Variants in PPP1R12B observed in about 807,000 individuals in gnomAD.
PPP1R12B encodes protein phosphatase 1 regulatory subunit 12B, also known as myosin phosphatase target subunit 2.
Under a neutral mutation model 126.1 loss-of-function variants are expected in PPP1R12B, and 76 were observed. The ratio of observed to expected loss-of-function variants is 0.60; its 90% CI spans 0.50 to 0.73. The LOEUF is 0.73. Among genes scored for constraint, PPP1R12B ranks in the 30% least tolerant of loss-of-function variants. The probability of loss-of-function intolerance (pLI) is 0.00; values close to 1 mark genes in which losing one functional copy is unlikely to be tolerated. For synonymous variants in PPP1R12B, 356 were observed against 434.7 expected, an observed-to-expected ratio of 0.82 and a Z score of 2.25; for missense variants, 1,052 against 1,205.1, an observed-to-expected ratio of 0.87 and a Z score of 1.88.
intron 1 of PPP1R12B, among the ~76,000 whole-genome samples, chr1:202,410,922 G>C (rs1667297384): frequency 1.3e-5 from 2 of 152,172 alleles, no homozygotes; most frequent in Non-Finnish European, 2.9e-5. Flanking sequence ...GAAGGAATCT[G>C]GGCCAAATGC....
intron 21 of PPP1R12B, 90 bp downstream of exon 21, chr1:202,564,637 A>T: frequency 9.4e-7 from 1 of 1,066,614 alleles, no homozygotes; most frequent in Non-Finnish European, 1.4e-6. Context: ...AGGAAGTAAG[A>T]TAGAGTCAAG....
chr1:202,348,889 A>AGTCGGCGCGAATGCGGCGGGCAGAGCAGC lies in PPP1R12B; in HGVS notation c.39_67dup (p.Leu23ArgfsTer18). 6.2e-7 allele frequency: 1 copy of AGTCGGCGCGAATGCGGCGGGCAGAGCAGC among 1,610,876 alleles called. No homozygotes were observed. Among genetic ancestry groups the AGTCGGCGCGAATGCGGCGGGCAGAGCAGC allele is most frequent in the Non-Finnish European group, 8.5e-7 (1 of 1,179,334 alleles). ...GAGCACCTAGGAGGGAAGCGGGCAG[A>AGTCGGCGCGAATGCGGCGGGCAGAGCAGC]GTCGGCGCGAATGCGGCGGGCAGAG... On this transcript the variant is annotated frameshift_variant, in exon 1 of 24. Transcript: ENST00000608999. LOFTEE classifies it high-confidence loss of function.
rs927786780 is a variant in PPP1R12B at position 202,584,446 on chromosome 1, G to C, written c.*3886G>C. The C allele has an allele frequency of 6.6e-6, 1 of 152,244 alleles. No homozygotes were observed. Among genetic ancestry groups the C allele is most frequent in the Non-Finnish European group, 1.5e-5 (1 of 68,042 alleles). 9.4% of individuals were successfully genotyped at this position (152,244 alleles called of 1,614,324 possible). On this transcript the variant is annotated 3_prime_UTR_variant, in exon 24 of 24. Transcript: ENST00000608999. ...TGGTCTGTGGATCCCACGAAAGTGT[G>C]TGTAAACTACTGACTGTTTCTCCAC... is the stretch of plus-strand genomic sequence containing the variant.
intron 1 of PPP1R12B, among the ~76,000 whole-genome samples, chr1:202,392,985 G>A (rs10920401): frequency 0.13 from 19,426 of 150,798 alleles, 1,380 homozygotes; most frequent in Middle Eastern, 0.18. Flanking sequence ...TCTCTCTATT[G>A]CCCAGGCTGG....
intron 12 of PPP1R12B, chr1:202,444,991 G>A: frequency 8.1e-7 from 1 of 1,235,534 alleles, no homozygotes; most frequent in Non-Finnish European, 1.0e-6. Flanking sequence ...GTGGTGCTGG[G>A]AAATGGTGGG....
Position 202,348,737 on chromosome 1 carries a change from G to T in PPP1R12B, c.-115G>T. ...GGAGGAGTAAAGATGGCGGCGCGAG[G>T]GTCTCCGCCCTCTGCTCCGGGCTGA... is the stretch of plus-strand genomic sequence containing the variant. On this transcript the variant is annotated 5_prime_UTR_variant, in exon 1 of 24. Transcript: ENST00000608999. 7.5e-7 allele frequency: 1 copy of T among 1,335,126 alleles called. No homozygotes were observed. Among genetic ancestry groups the T allele is most frequent in the Non-Finnish European group, 1.0e-6 (1 of 997,842 alleles). The allele number at this position is 1,335,126 out of a possible 1,614,324, so 82.7% of individuals were successfully genotyped here.
At position 202,502,175 on chromosome 1, in the gene PPP1R12B, T is replaced by C. The variant is rs988190803; in HGVS notation, c.2490+5353T>C. The C allele has an allele frequency of 5.1e-6, 5 of 984,718 alleles. No individual in the cohort carries two copies. The African/African-American group carries it at 7.0e-5, about 14-fold the overall frequency. The allele number at this position is 984,718 out of a possible 1,614,324, so 61.0% of individuals were successfully genotyped here. On this transcript the variant is annotated intron_variant, in intron 18 of 23. Transcript: ENST00000608999. ...CCCCATCCAGAATGCAATCAGTAGG[T>C]CTGGATTACTAGTCATCCCTCAAAA...
intron 13 of PPP1R12B, among the ~76,000 whole-genome samples, chr1:202,482,940 T>C (rs1181143188): frequency 1.3e-5 from 2 of 152,298 alleles, no homozygotes; most frequent in East Asian, 3.9e-4. Context: ...AGGTAGGGAT[T>C]TACTCTCATT....
At chr1:202,515,465 C>T (rs1325649561) in intron 18 of PPP1R12B, among the ~76,000 whole-genome samples, 1 of 152,192 alleles carries the variant, frequency 6.6e-6, no homozygotes, top group Non-Finnish European at 1.5e-5. Flanking sequence ...ATAGCTAAAT[C>T]TAGGAAGCTG....
chr1:202,480,722 A>G (rs929122280), intron 13 of PPP1R12B, among the ~76,000 whole-genome samples: 1 of 152,226 alleles, frequency 6.6e-6, no homozygotes, highest in Non-Finnish European at 1.5e-5. Flanking sequence ...ATAATGTAGT[A>G]TGTCAATATT....
chr1:202,566,494 A>G (rs1238146316), intron 21 of PPP1R12B, among the ~76,000 whole-genome samples: 1 of 152,222 alleles, frequency 6.6e-6, no homozygotes, highest in Non-Finnish European at 1.5e-5. Context: ...ATTTTTACAT[A>G]AAAGATCCAC....
At chr1:202,475,336 A>G (rs1676491560) in intron 13 of PPP1R12B, among the ~76,000 whole-genome samples, 1 of 152,208 alleles carries the variant, frequency 6.6e-6, no homozygotes, top group Non-Finnish European at 1.5e-5. Context: ...TAGCATGTTG[A>G]CGGAAATTTC....
intron 18 of PPP1R12B, among the ~76,000 whole-genome samples, chr1:202,498,169 C>G (rs987214712): frequency 1.3e-4 from 20 of 152,152 alleles, no homozygotes; most frequent in African/African-American, 4.8e-4. Context: ...GATCTTGATG[C>G]AGTACTTCCT....
Position 202,472,117 on chromosome 1 carries a change from T to G in PPP1R12B, c.1851-16416T>G, listed in dbSNP as rs1377876264. On this transcript the variant is annotated intron_variant, in intron 13 of 23. Transcript: ENST00000608999. The stretch of plus-strand genomic sequence containing the variant: ...TGAAGGAGATCCTTTGTGAGAGGCA[T>G]GTTCTCATGTGCGTAGGTCATCACC... The G allele has an allele frequency of 6.7e-6, 10 of 1,499,246 alleles. No homozygotes were observed. In the Middle Eastern group the frequency reaches 9.0e-4, roughly 135 times the overall value. The allele number at this position is 1,499,246 out of a possible 1,614,324, so 92.9% of individuals were successfully genotyped here.
intron 18 of PPP1R12B, among the ~76,000 whole-genome samples, chr1:202,499,089 A>G (rs1347020192): frequency 3.3e-5 from 5 of 152,184 alleles, no homozygotes. Context: ...ATGTACCAGT[A>G]TAACCACTAC....
At chr1:202,519,469 G>C (rs1682529652) in intron 18 of PPP1R12B, among the ~76,000 whole-genome samples, 1 of 151,748 alleles carries the variant, frequency 6.6e-6, no homozygotes, top group Admixed American at 6.6e-5. Context: ...ATGGGCTTTT[G>C]CTATGTTGGC....
intron 14 of PPP1R12B, among the ~76,000 whole-genome samples, chr1:202,491,030 C>T (rs1204282977): frequency 6.6e-6 from 1 of 152,200 alleles, no homozygotes; most frequent in African/African-American, 2.4e-5. Context: ...TTCTGAGGAA[C>T]TGCCATACTG....
chr1:202,526,942 A>G (rs1683410036), intron 18 of PPP1R12B, among the ~76,000 whole-genome samples: 1 of 152,212 alleles, frequency 6.6e-6, no homozygotes, highest in African/African-American at 2.4e-5. Context: ...AGCTAAAGAG[A>G]GAAAACTGTA....
chr1:202,534,421 C>A (rs7518935), intron 18 of PPP1R12B, among the ~76,000 whole-genome samples: 65,966 of 152,064 alleles, frequency 0.43, 15,674 homozygotes, highest in East Asian at 0.71. Context: ...TTCCCAGGCC[C>A]CTTTCAGTGG....
Sources: allele counts gnomAD v4.1 joint callset (sites outside exome capture counted in the v4.1 genomes callset), GRCh38; gene constraint gnomAD v4.1.1; transcripts MANE v1.5; gene names NCBI Gene and HGNC (gene_info 2026-07-23, HGNC 2026-07-21).